Variants in MSI2 observed in about 807,000 individuals in gnomAD.
The protein encoded by MSI2 is RNA-binding protein Musashi homolog 2.
A neutral mutation model predicts 45.6 loss-of-function variants in MSI2; 17 were observed. The observed-to-expected ratio is 0.37, with a 90% CI of 0.26 to 0.56. The LOEUF (loss-of-function observed/expected upper bound fraction) is 0.56, where lower values mean the gene tolerates loss of function less well. Ranked by LOEUF, MSI2 falls within the 20% of genes least tolerant of loss-of-function variation. MSI2 has a pLI of 0.77. For missense variants in MSI2, 293 were observed against 444.2 expected, an observed-to-expected ratio of 0.66 and a Z score of 3.06; for synonymous variants, 156 against 158.2, an observed-to-expected ratio of 0.99 and a Z score of 0.11.
intron 6 of MSI2, among the ~76,000 whole-genome samples, chr17:57,476,143 G>A (rs900308836): frequency 9.9e-5 from 15 of 152,190 alleles, no homozygotes; most frequent in Non-Finnish European, 1.5e-4. Flanking sequence ...TCATGCAAAC[G>A]GTTAGTGCCT....
intron 10 of MSI2, chr17:57,632,883 A>G: frequency 9.4e-7 from 1 of 1,062,494 alleles, no homozygotes; most frequent in Non-Finnish European, 1.1e-6. Flanking sequence ...GGCTCATCTC[A>G]TTAAAGATGC....
rs539017737 is a variant in MSI2 at position 57,286,783 on chromosome 17, G to A, written c.312+24591G>A. On this transcript the variant is annotated intron_variant, in intron 5 of 13. Coordinates refer to ENST00000284073, the MANE Select transcript of MSI2 (RefSeq NM_138962.4). ...CCAGTAAACCCACACCCCCTCCCCCGCTTATTATTATTTATTTATTTTTCT... is the reference window on the plus strand; with the variant it reads ...CCAGTAAACCCACACCCCCTCCCCCACTTATTATTATTTATTTATTTTTCT... 1.3e-3 allele frequency among the ~76,000 whole-genome samples: 204 copies of A among 152,044 alleles called. 1 individual carries two copies. The highest frequency in any genetic ancestry group is 4.6e-3 in the African/African-American group (191 of 41,468).
intron 7 of MSI2, among the ~76,000 whole-genome samples, chr17:57,563,098 C>CA (rs59975200): frequency 0.34 from 23,494 of 69,634 alleles, 2,361 homozygotes; most frequent in African/African-American, 0.38. Flanking sequence ...ACTTCGTCTC[C>CA]AAAAAAAAAA....
At position 57,300,919 on chromosome 17, in the gene MSI2, A is replaced by G. The variant is rs59358445; in HGVS notation, c.312+38727A>G. On this transcript the variant is annotated intron_variant, in intron 5 of 13. Coordinates refer to ENST00000284073, the MANE Select transcript of MSI2 (RefSeq NM_138962.4). The stretch of plus-strand genomic sequence containing the variant: ...ACAACATGTGGGAATTATGAGAGCT[A>G]CAATTCAAGATGAGATTTGGGTGAG... 2.6e-5 allele frequency among the ~76,000 whole-genome samples: 4 copies of G among 152,368 alleles called. No homozygotes were observed. In the South Asian group the frequency reaches 8.3e-4, roughly 32 times the overall value.
rs191866329 is a variant in MSI2, at chr17:57,427,892, A to G, written c.405+26421A>G. Among the ~76,000 whole-genome samples the G allele has an allele frequency of 7.3e-3, 1,106 of 152,214 alleles. 14 individuals are homozygous for G. Among genetic ancestry groups the G allele is most frequent in the African/African-American group, 0.025 (1,056 of 41,522 alleles). On this transcript the variant is annotated intron_variant, in intron 6 of 13. Coordinates refer to ENST00000284073, the MANE Select transcript of MSI2 (RefSeq NM_138962.4). ...GCTTTGTGAGCTCTGCAGTGGGACA[A>G]CTCTTTCCCTTTCCCACATATTTTG...
intron 6 of MSI2, among the ~76,000 whole-genome samples, chr17:57,435,700 AG>A (rs146260493): frequency 0.023 from 3,519 of 152,302 alleles, 115 homozygotes; most frequent in African/African-American, 0.08. Context: ...CCAGCCAGGG[AG>A]GGCCTCAGGG....
intron 6 of MSI2, among the ~76,000 whole-genome samples, chr17:57,416,616 C>T (rs955823798): frequency 1.3e-5 from 2 of 152,170 alleles, no homozygotes; most frequent in Admixed American, 6.5e-5. Context: ...TGCACCACTC[C>T]CTCAAAGAGC....
chr17:57,431,386 G>A (rs1439849017), intron 6 of MSI2, among the ~76,000 whole-genome samples: 1 of 152,192 alleles, frequency 6.6e-6, no homozygotes, highest in East Asian at 1.9e-4. Context: ...ATGTTAAATG[G>A]GTCGCAGGTG....
chr17:57,669,332 CCCT>C (rs1392747029), intron 11 of MSI2, among the ~76,000 whole-genome samples: 2 of 152,198 alleles, frequency 1.3e-5, no homozygotes, highest in Non-Finnish European at 2.9e-5. Flanking sequence ...CTGATGCAGG[CCCT>C]CACTGTTGAC....
intron 5 of MSI2, among the ~76,000 whole-genome samples, chr17:57,361,357 T>C (rs147115490): frequency 2.1e-3 from 314 of 152,024 alleles, no homozygotes; most frequent in African/African-American, 7.3e-3. Flanking sequence ...ACCCAGTACT[T>C]TGGAAGGCCA....
Position 57,583,488 on chromosome 17 carries a change from C to CTTTTTTTTT in MSI2, c.455-13369_455-13361dup, listed in dbSNP as rs5821192. Reference sequence around the variant, plus strand: ...TACTTTTTTCCTTCTCCCAATGTTTCTTTTTTTTTTTTTTTTTTTGAGACA... The same window carrying CTTTTTTTTT: ...TACTTTTTTCCTTCTCCCAATGTTTCTTTTTTTTTTTTTTTTTTTTTTTTTTTTGAGACA... On this transcript the variant is annotated intron_variant, in intron 7 of 13. Transcript: ENST00000284073. Among the ~76,000 whole-genome samples the CTTTTTTTTT allele has an allele frequency of 1.1e-3, 106 of 98,014 alleles. No individual in the cohort carries two copies. The Middle Eastern group carries it at 0.015, about 14-fold the overall frequency. 64.3% of individuals were successfully genotyped at this position (98,014 alleles called of 152,430 possible).
intron 8 of MSI2, among the ~76,000 whole-genome samples, chr17:57,612,226 C>G (rs371727740): frequency 2.1e-5 from 2 of 95,348 alleles, no homozygotes; most frequent in East Asian, 5.3e-4. Context: ...CTTAGGAGAA[C>G]AAGACAGTCA....
intron 11 of MSI2, chr17:57,671,623 C>T (rs1912780863): frequency 6.6e-6 from 1 of 152,186 alleles, no homozygotes; most frequent in South Asian, 2.1e-4. Flanking sequence ...CCCCACTCCC[C>T]ACCTCTCCTC....
chr17:57,289,213 C>T (rs910153899), intron 5 of MSI2, among the ~76,000 whole-genome samples: 16 of 152,172 alleles, frequency 1.1e-4, no homozygotes, highest in African/African-American at 2.7e-4. Flanking sequence ...TCCTGCTGGT[C>T]TTCCCTTTTG....
intron 7 of MSI2, among the ~76,000 whole-genome samples, chr17:57,562,406 C>T (rs904115159): frequency 1.3e-5 from 2 of 152,232 alleles, no homozygotes; most frequent in Non-Finnish European, 2.9e-5. Flanking sequence ...TGGTCCCAAG[C>T]AACTCCTACC....
intron 7 of MSI2, among the ~76,000 whole-genome samples, chr17:57,554,286 AG>A (rs1413903621): frequency 2.6e-5 from 4 of 152,112 alleles, no homozygotes; most frequent in African/African-American, 4.8e-5. Flanking sequence ...CAAGGTAATT[AG>A]ACTTGGTGCT....
At chr17:57,327,810 G>C (rs1913930696) in intron 5 of MSI2, among the ~76,000 whole-genome samples, 1 of 152,142 alleles carries the variant, frequency 6.6e-6, no homozygotes. Context: ...GGGACTTGTA[G>C]TTCAGGCTCA....
At chr17:57,475,824 A>ACG (rs2085526697) in intron 6 of MSI2, among the ~76,000 whole-genome samples, 1 of 148,206 alleles carries the variant, frequency 6.7e-6, no homozygotes, top group Admixed American at 6.8e-5. Flanking sequence ...CACACACACG[A>ACG]AAAGAACATC....
rs540850186 is a variant in MSI2, at chr17:57,499,665, C to T, written c.406-30011C>T. 6.6e-5 allele frequency among the ~76,000 whole-genome samples: 10 copies of T among 152,236 alleles called. No homozygotes were observed. The East Asian group carries it at 9.6e-4, about 15-fold the overall frequency. On this transcript the variant is annotated intron_variant, in intron 6 of 13. Transcript: ENST00000284073. The stretch of plus-strand genomic sequence containing the variant: ...ATTATTTCTCGTGGTTTCTGTGGAG[C>T]GGGAATTTGGGCGGGACTCAACTGA...
Sources: gnomAD v4.1 joint callset for allele counts (sites outside exome capture counted in the v4.1 genomes callset) on GRCh38, gnomAD v4.1.1 for gene constraint, MANE v1.5 for transcripts, NCBI Gene and HGNC (gene_info 2026-07-23, HGNC 2026-07-21) for gene names.